The following KCNK16 variants were observed in gnomAD, a reference collection of about 807,000 sequenced individuals.
KCNK16 encodes the protein potassium two pore domain channel subfamily K member 16.
KCNK16 carries 23 observed loss-of-function variants against 23.0 expected under a neutral mutation model. The ratio of observed to expected loss-of-function variants is 1.00; its 90% CI spans 0.72 to 1.41. KCNK16 has a LOEUF of 1.41. KCNK16 is among the 40% of genes most tolerant of loss of function. KCNK16 has a pLI of 0.00. For missense variants in KCNK16, 327 were observed against 365.8 expected (o/e 0.89, Z 0.87); for synonymous variants, 145 against 153.5 (o/e 0.94, Z 0.41).
Position 39,317,945 on chromosome 6 carries a change from C to T in KCNK16, c.336G>A (p.Gly112=). 6.2e-7 allele frequency: 1 copy of T among 1,603,364 alleles called. No individual in the cohort carries two copies. The highest frequency in any genetic ancestry group is 2.2e-5 in the East Asian group (1 of 44,452). The part of the protein sequence containing the change: ...AGTVVTTIGY[G]NLAPSTEAGQ... The stretch of plus-strand genomic sequence containing the variant: ...CTGCCTCTGTGCTGGGTGCCAGGTT[C>T]CCATATCCTGCAAGGGAAGGGGGGC... The change falls in exon 3 of 5, where the codon GGG becomes GGA. Residue 112 remains glycine, a synonymous_variant. Coordinates refer to ENST00000437525, the MANE Select transcript of KCNK16 (RefSeq NM_001135106.2).
downstream of KCNK16, chr6:39,315,497 G>A (rs1159364516): frequency 7.1e-7 from 1 of 1,408,778 alleles, no homozygotes; most frequent in Admixed American, 2.4e-5. Context: ...CCTAAGCTTT[G>A]TTCACAGACA....
intron 3 of KCNK16, 83 bp downstream of exon 3, chr6:39,317,703 C>T (rs1762371182): frequency 2.1e-6 from 3 of 1,419,728 alleles, no homozygotes; most frequent in Admixed American, 2.5e-5. Context: ...GCATGCCAAA[C>T]TCCATCTCAG....
downstream of KCNK16, chr6:39,315,580 C>T: frequency 3.0e-6 from 2 of 663,882 alleles, no homozygotes; most frequent in Non-Finnish European, 5.1e-6. Flanking sequence ...CTGAGAGCTT[C>T]CTGAGGGCAG....
Position 39,316,867 on chromosome 6 carries a change from G to A in KCNK16, c.576C>T (p.Ser192=). 6.2e-7 allele frequency: 1 copy of A among 1,614,090 alleles called. No individual in the cohort carries two copies. The highest frequency in any genetic ancestry group is 2.2e-5 in the East Asian group (1 of 44,862). ...CGCTGAAGCTCCAGCCCTCCACATGGCTGAAGACCATGGGTGGGAAGATGA... is the reference window on the plus strand; with the variant it reads ...CGCTGAAGCTCCAGCCCTCCACATGACTGAAGACCATGGGTGGGAAGATGA... ...VILIFPPMVF[S]HVEGWSFSEG... Residue 192 remains serine (S), a synonymous_variant, in exon 4 of 5, where the codon AGC becomes AGT. Transcript: ENST00000437525.
In KCNK16 at chr6:39,319,746, AGT is replaced by A. The variant is rs146841804; in HGVS notation, c.214-615_214-614del. 0.036 allele frequency among the ~76,000 whole-genome samples: 5,305 copies of A among 148,186 alleles called. 108 individuals are homozygous for A. The highest frequency in any genetic ancestry group is 0.044 in the African/African-American group (1,800 of 40,472). ...GGCCAAGACAAAGGTGGCACGTGTG[AGT>A]GTGTGTGTGTGTGTGTGTGTGTGTG... On this transcript the variant is annotated intron_variant, in intron 1 of 4. Transcript: ENST00000437525. The surrounding 1 kb of genome is among the most constrained non-coding windows in gnomAD (Gnocchi z 4.2).
chr6:39,316,505 A>G, intron 4 of KCNK16, 63 bp from the exon 5 acceptor site: 1 of 1,517,536 alleles, frequency 6.6e-7, no homozygotes. Flanking sequence ...TCCAGTTTCC[A>G]TAGGGACCCT....
At position 39,316,859 on chromosome 6, in the gene KCNK16, T is replaced by A. The variant is rs1470555506; in HGVS notation, c.584A>T (p.Glu195Val). Residue 195 changes from glutamate (E) to valine (V), a missense_variant, in exon 4 of 5, where the codon GAG becomes GTG. Physicochemically the swap from Glu to Val is moderately radical, Grantham distance 121. Transcript: ENST00000437525. ...GAAGCCCTCGCTGAAGCTCCAGCCC[T>A]CCACATGGCTGAAGACCATGGGTGG... Reference protein sequence around the residue: ...IFPPMVFSHVEGWSFSEGFYF... With the variant: ...IFPPMVFSHVVGWSFSEGFYF... 1 of 1,613,946 alleles carries A rather than the reference T, an allele frequency of 6.2e-7. No homozygotes were observed. The highest frequency in any genetic ancestry group is 8.5e-7 in the Non-Finnish European group (1 of 1,179,980).
Position 39,317,844 on chromosome 6 carries a change from C to T in KCNK16, c.437G>A (p.Gly146Glu). 6.2e-7 allele frequency: 1 copy of T among 1,613,170 alleles called. No individual in the cohort carries two copies. Among genetic ancestry groups the T allele is most frequent in the Non-Finnish European group, 8.5e-7 (1 of 1,179,620 alleles). Reference protein sequence around the residue: ...NVIFLNHLGTGLRAHLAAIER... With the variant: ...NVIFLNHLGTELRAHLAAIER... ...AATGGCGGCCAGATGGGCACGCAGC[C>T]CTGTGCCCAGGTGGTTGAGGAAGAT... The change falls in exon 3 of 5, where the codon GGG (glycine) becomes GAG (glutamate). Residue 146 changes from glycine to glutamate, a missense_variant. Coordinates refer to ENST00000437525, the MANE Select transcript of KCNK16 (RefSeq NM_001135106.2).
Position 39,317,871 on chromosome 6 carries a change from A to G in KCNK16, c.410T>C (p.Val137Ala). Residue 137 changes from valine to alanine, a missense_variant, in exon 3 of 5, where the codon GTG (valine) becomes GCG (alanine). By Grantham distance (64) the Val-to-Ala change is moderately conservative. Coordinates refer to ENST00000437525, the MANE Select transcript of KCNK16 (RefSeq NM_001135106.2). ...TGTGCCCAGGTGGTTGAGGAAGATCACGTTAAGCGGGATGCCCAACAGGGC... is the reference window on the plus strand; with the variant it reads ...TGTGCCCAGGTGGTTGAGGAAGATCGCGTTAAGCGGGATGCCCAACAGGGC... ...FYALLGIPLN[V>A]IFLNHLGTGL... The G allele has an allele frequency of 6.2e-7, 1 of 1,613,844 alleles. No individual in the cohort carries two copies. The highest frequency in any genetic ancestry group is 1.1e-5 in the South Asian group (1 of 91,000).
In KCNK16 at chr6:39,316,297, C is replaced by T. The variant is rs764626636; in HGVS notation, c.807G>A (p.Arg269=). 3 of 1,604,284 alleles carry T rather than the reference C, an allele frequency of 1.9e-6. No individual in the cohort carries two copies. Among genetic ancestry groups the T allele is most frequent in the East Asian group, 2.2e-5 (1 of 44,568 alleles). Residue 269 remains arginine, a synonymous_variant, in exon 5 of 5, where the codon AGG becomes AGA. Transcript: ENST00000437525. ...CTGCCCCATCCTTGACGCCGAGGCCCCTACTGAGCAGCCAGAGCTGGCAGC... is the reference window on the plus strand; with the variant it reads ...CTGCCCCATCCTTGACGCCGAGGCCTCTACTGAGCAGCCAGAGCTGGCAGC... ...HRCCQLWLLS[R]GLGVKDGAAS...
At chr6:39,314,961 G>T, downstream of KCNK16, 1 of 1,526,848 alleles carries the variant, frequency 6.5e-7, no homozygotes, top group Non-Finnish European at 8.8e-7. Flanking sequence ...TCTACCTGGA[G>T]TGGAGGAAGC....
rs144783943 is a variant in KCNK16, at chr6:39,321,698, A to G, written c.213+630T>C. Among the ~76,000 whole-genome samples, 606 of 152,374 alleles carry G rather than the reference A, an allele frequency of 4.0e-3. 6 individuals are homozygous for G. Among genetic ancestry groups the G allele is most frequent in the African/African-American group, 0.014 (573 of 41,592 alleles). ...GGAAAGAGGAAACCAGAAAGGACCC[A>G]GGCAGGGGGTGACCCACTCTGTTAC... On this transcript the variant is annotated intron_variant, in intron 1 of 4. Coordinates refer to ENST00000437525, the MANE Select transcript of KCNK16 (RefSeq NM_001135106.2).
At position 39,322,372 on chromosome 6, in the gene KCNK16, T is replaced by G. The variant is rs760313865; in HGVS notation, c.169A>C (p.Asn57His). The stretch of plus-strand genomic sequence containing the variant: ...GCCCACTGGTCCAGGCAGGTGTAGT[T>G]CTCCAGGAAGCGCAGCTTCTCCAAC... ...FQLEKLRFLE[N>H]YTCLDQWAME... Residue 57 changes from asparagine to histidine, a missense_variant, in exon 1 of 5, where the codon AAC becomes CAC. Physicochemically the swap from Asn to His is moderately conservative, Grantham distance 68 (BLOSUM62 1). Coordinates refer to ENST00000437525, the MANE Select transcript of KCNK16 (RefSeq NM_001135106.2). The G allele has an allele frequency of 5.0e-6, 8 of 1,614,226 alleles. No individual in the cohort carries two copies. The South Asian group carries it at 8.8e-5, about 18-fold the overall frequency.
chr6:39,322,183 T>G (rs1334314419), intron 1 of KCNK16, 145 bp downstream of exon 1: 10 of 1,360,488 alleles, frequency 7.4e-6, no homozygotes, highest in Non-Finnish European at 9.8e-6. Context: ...CAGGATTAGA[T>G]CTCACCAGGC....
intron 3 of KCNK16, among the ~76,000 whole-genome samples, chr6:39,317,437 C>T (rs951904067): frequency 3.3e-5 from 5 of 152,210 alleles, no homozygotes; most frequent in African/African-American, 1.2e-4. Context: ...CCAGCTCCTT[C>T]AGGGTGTTCA....
Position 39,322,118 on chromosome 6 carries a change from A to G in KCNK16, c.213+210T>C, listed in dbSNP as rs1762534995. Among the ~76,000 whole-genome samples the G allele has an allele frequency of 2.0e-5, 3 of 152,220 alleles. No individual in the cohort carries two copies. In the South Asian group the frequency reaches 6.2e-4, roughly 32 times the overall value. ...GAGGCTGTTTGGGTCCAGAGAGGTT[A>G]AGTGACCTGTTCAAGGTCACACATC... is the stretch of plus-strand genomic sequence containing the variant. On this transcript the variant is annotated intron_variant, in intron 1 of 4. Coordinates refer to ENST00000437525, the MANE Select transcript of KCNK16 (RefSeq NM_001135106.2).
In KCNK16 at chr6:39,322,395, A is replaced by G. The variant is rs761863903; in HGVS notation, c.146T>C (p.Leu49Ser). 2 of 1,614,124 alleles carry G rather than the reference A, an allele frequency of 1.2e-6. No homozygotes were observed. Among genetic ancestry groups the G allele is most frequent in the South Asian group, 2.2e-5 (2 of 91,086 alleles). The change falls in exon 1 of 5, where the codon TTG becomes TCG. Residue 49 changes from leucine to serine, a missense_variant. Physicochemically the swap from Leu to Ser is moderately radical, Grantham distance 145. Transcript: ENST00000437525. ...AEAQSRDQFQ[L>S]EKLRFLENYT... Reference sequence around the variant, plus strand: ...GTTCTCCAGGAAGCGCAGCTTCTCCAACTGAAACTGGTCCCTGGACTGAGC... The same window carrying G: ...GTTCTCCAGGAAGCGCAGCTTCTCCGACTGAAACTGGTCCCTGGACTGAGC...
rs200139415 is a variant in KCNK16, at chr6:39,322,567, G to A, written c.-27C>T. 1.2e-5 allele frequency: 19 copies of A among 1,560,262 alleles called. No homozygotes were observed. Among genetic ancestry groups the A allele is most frequent in the Admixed American group, 1.1e-4 (6 of 53,428 alleles). ...CTGTGGCCAGGACCCTGCCAGGGCC[G>A]TGGGGCTGGCTATGGGGGAGAGGTG... On this transcript the variant is annotated 5_prime_UTR_variant, in exon 1 of 5. In the 5' UTR this introduces an upstream ATG that the reference lacks. Transcript: ENST00000437525.
Position 39,319,182 on chromosome 6 carries a change from G to T in KCNK16, c.214-49C>A. The T allele has an allele frequency of 9.4e-7, 1 of 1,062,922 alleles. No individual in the cohort carries two copies. The allele number at this position is 1,062,922 out of a possible 1,614,324, so 65.8% of individuals were successfully genotyped here. On this transcript the variant is annotated intron_variant, in intron 1 of 4. Transcript: ENST00000437525. This position sits in a 1 kb window ranked among gnomAD's most constrained non-coding sequence, Gnocchi z 4.2. The stretch of plus-strand genomic sequence containing the variant: ...GAGGAAGAAGGAGCTGATGGTTACT[G>T]GGCACCAGTTGTTGCCATGCTTTTG...
Sources: allele counts gnomAD v4.1 joint callset (sites outside exome capture counted in the v4.1 genomes callset), GRCh38; gene constraint gnomAD v4.1.1; non-coding constraint Gnocchi (gnomAD v3.1); transcripts MANE v1.5; gene names NCBI Gene and HGNC (gene_info 2026-07-23, HGNC 2026-07-21).